GULP1: variants seen among roughly 807,000 people sequenced by gnomAD.
The protein encoded by GULP1 is GULP PTB domain containing engulfment adaptor 1.
GULP1 carries 19 observed loss-of-function variants against 40.9 expected under a neutral mutation model. The ratio of observed to expected loss-of-function variants is 0.46; its 90% CI spans 0.32 to 0.68. The LOEUF (loss-of-function observed/expected upper bound fraction) is 0.68. Ranked by LOEUF, GULP1 falls within the 30% of genes least tolerant of loss-of-function variation. GULP1 has a pLI of 0.03. For synonymous variants in GULP1, 119 were observed against 117.6 expected (o/e 1.01, Z -0.08); for missense variants, 312 against 362.2 (o/e 0.86, Z 1.12).
At chr2:188,420,374 A>G (rs1454188604) in intron 2 of GULP1, among the ~76,000 whole-genome samples, 41 of 152,152 alleles carry the variant, frequency 2.7e-4, no homozygotes, top group Admixed American at 2.5e-3. Context: ...AGTTTTCAGT[A>G]TACAAATCTC....
chr2:188,580,869 G>A (rs980531409), intron 9 of GULP1, among the ~76,000 whole-genome samples: 3 of 152,196 alleles, frequency 2.0e-5, no homozygotes, highest in Admixed American at 6.5e-5. Context: ...ATTTTTGTTA[G>A]TGGTGAAAGA....
chr2:188,466,170 T>C (rs539586941), intron 2 of GULP1, among the ~76,000 whole-genome samples: 43 of 152,272 alleles, frequency 2.8e-4, no homozygotes, highest in African/African-American at 8.9e-4. Context: ...TTTCAGGCTT[T>C]CTTTTTGTAG....
intron 2 of GULP1, among the ~76,000 whole-genome samples, chr2:188,469,239 G>T (rs1274631243): frequency 6.6e-6 from 1 of 152,148 alleles, no homozygotes; most frequent in East Asian, 1.9e-4. Flanking sequence ...GGAGGTCTAG[G>T]CCTGGCCTTG....
At chr2:188,324,996 G>A (rs555672048) in intron 1 of GULP1, among the ~76,000 whole-genome samples, 1 of 151,938 alleles carries the variant, frequency 6.6e-6, no homozygotes, top group East Asian at 1.9e-4. Context: ...TATAGAATGA[G>A]TGCAAAATAA....
chr2:188,332,191 CT>C (rs11431434), intron 1 of GULP1, among the ~76,000 whole-genome samples: 7,956 of 126,592 alleles, frequency 0.063, 639 homozygotes, highest in African/African-American at 0.22. Context: ...TTTCTTTATT[CT>C]TTTTTTTTTT....
chr2:188,330,306 T>C (rs2041387582), intron 1 of GULP1, among the ~76,000 whole-genome samples: 2 of 152,182 alleles, frequency 1.3e-5, no homozygotes, highest in Non-Finnish European at 2.9e-5. Context: ...CATAAAATAC[T>C]GACATGTCTA....
intron 1 of GULP1, among the ~76,000 whole-genome samples, chr2:188,355,500 C>G (rs111819374): frequency 6.6e-6 from 1 of 151,940 alleles, no homozygotes; most frequent in South Asian, 2.1e-4. Flanking sequence ...AAAACTTCAG[C>G]AGACCAATAA....
rs191605426 is a variant in GULP1, at chr2:188,594,608, T to G, written c.*597T>G. 9.2e-5 allele frequency: 14 copies of G among 151,906 alleles called. No homozygotes were observed. Among genetic ancestry groups the G allele is most frequent in the African/African-American group, 2.9e-4 (12 of 41,534 alleles). The allele number at this position is 151,906 out of a possible 1,614,324, so 9.4% of individuals were successfully genotyped here. A position where few individuals can be genotyped will look rare whatever the true frequency, so the allele number is the denominator to read the frequency against. ...ATTCCAATAATAAACCAAATGTATT[T>G]AGAGTATTTATTAGTAAATGCAAGG... On this transcript the variant is annotated 3_prime_UTR_variant, in exon 12 of 12. Transcript: ENST00000409830.
intron 5 of GULP1, chr2:188,523,036 C>G (rs1274242977): frequency 1.1e-5 from 5 of 437,368 alleles, no homozygotes; most frequent in African/African-American, 2.0e-5. Flanking sequence ...GCATACTGTT[C>G]ACATTTTTCT....
chr2:188,314,473 C>T (rs1472757969), intron 1 of GULP1, among the ~76,000 whole-genome samples: 1 of 152,174 alleles, frequency 6.6e-6, no homozygotes, highest in African/African-American at 2.4e-5. Context: ...CAACCTCTCT[C>T]CTCCCACTTG....
At chr2:188,294,166 A>G (rs760051757) in intron 1 of GULP1, 1 of 152,202 alleles carries the variant, frequency 6.6e-6, no homozygotes, top group Non-Finnish European at 1.5e-5. Flanking sequence ...TGCAACTTCA[A>G]TTCCTTGACT....
chr2:188,541,400 T>C (rs1440748627), intron 7 of GULP1, 82 bp downstream of exon 7: 2 of 1,107,644 alleles, frequency 1.8e-6, no homozygotes, highest in Admixed American at 1.7e-5. Context: ...GGCAAAGTAT[T>C]TGAAAATGAA....
rs781362515 is a variant in GULP1, at chr2:188,584,345, G to A, written c.690G>A (p.Ser230=). 96 of 1,605,548 alleles carry A rather than the reference G, an allele frequency of 6.0e-5. No homozygotes were observed. The highest frequency in any genetic ancestry group is 1.7e-4 in the Middle Eastern group (1 of 6,046). The change falls in exon 10 of 12, where the codon TCG becomes TCA. Residue 230 remains serine (S), a synonymous_variant. Transcript: ENST00000409830. ...IPFSPISHQS[S]MPTRNGTQPP... ...TTTCTCCAATATCACACCAGTCTTCGATGCCTACTCGCAATGGCACACAGC... is the reference window on the plus strand; with the variant it reads ...TTTCTCCAATATCACACCAGTCTTCAATGCCTACTCGCAATGGCACACAGC...
intron 1 of GULP1, among the ~76,000 whole-genome samples, chr2:188,378,279 A>C (rs1456416622): frequency 1.2e-5 from 1 of 80,354 alleles, no homozygotes; most frequent in Non-Finnish European, 2.5e-5. Flanking sequence ...CTCTATATAG[A>C]AAAAAAAAAA....
At chr2:188,523,933 GA>G (rs1685477791) in intron 5 of GULP1, among the ~76,000 whole-genome samples, 1 of 152,132 alleles carries the variant, frequency 6.6e-6, no homozygotes, top group Admixed American at 6.5e-5. Flanking sequence ...GAAAAAAGTG[GA>G]TTAGCCAACT....
chr2:188,525,879 T>C (rs1686044053), intron 5 of GULP1, among the ~76,000 whole-genome samples: 1 of 152,220 alleles, frequency 6.6e-6, no homozygotes, highest in African/African-American at 2.4e-5. Flanking sequence ...ATAAAACATT[T>C]AGAGCTTAAT....
intron 1 of GULP1, among the ~76,000 whole-genome samples, chr2:188,359,448 A>G (rs544091137): frequency 1.3e-5 from 2 of 152,262 alleles, no homozygotes; most frequent in South Asian, 4.1e-4. Context: ...TCAAATATCT[A>G]TCTAACTAAG....
At chr2:188,406,247 A>T (rs1180861603) in intron 2 of GULP1, among the ~76,000 whole-genome samples, 1 of 152,170 alleles carries the variant, frequency 6.6e-6, no homozygotes, top group Non-Finnish European at 1.5e-5. Context: ...GTACATACTG[A>T]CTATATGCAG....
rs939100036 is a variant in GULP1, at chr2:188,474,167, G to A, written c.-44-3492G>A. 2.9e-4 allele frequency among the ~76,000 whole-genome samples: 44 copies of A among 152,206 alleles called. 1 individual carries two copies. Among genetic ancestry groups the A allele is most frequent in the Admixed American group, 2.4e-3 (37 of 15,266 alleles). ...GCTGCTATCCAAGATGCAAGACAGA[G>A]TCCTTTCCACTCTTCCCTCTTCTCT... is the stretch of plus-strand genomic sequence containing the variant. On this transcript the variant is annotated intron_variant, in intron 2 of 11. Coordinates refer to ENST00000409830, the MANE Select transcript of GULP1 (RefSeq NM_016315.4).
Sources: gnomAD v4.1 joint callset for allele counts (sites outside exome capture counted in the v4.1 genomes callset) on GRCh38, gnomAD v4.1.1 for gene constraint, MANE v1.5 for transcripts, NCBI Gene and HGNC (gene_info 2026-07-23, HGNC 2026-07-21) for gene names.